PLGLB1: variants seen among roughly 807,000 people sequenced by gnomAD.
PLGLB1 encodes the protein plasminogen like B1, also known as plasminogen-like protein B.
intron 1 of PLGLB1, among the ~76,000 whole-genome samples, chr2:87,021,036 T>C (rs1176705381): frequency 6.6e-6 from 1 of 151,336 alleles, no homozygotes; most frequent in Non-Finnish European, 1.5e-5. Flanking sequence ...ACCCTACCTA[T>C]ACCGCGAGCT....
intron 3 of PLGLB1, chr2:87,013,520 A>G (rs1238714284): frequency 8.8e-6 from 1 of 113,622 alleles, no homozygotes; most frequent in Non-Finnish European, 1.8e-5. Context: ...AGACAGAGTA[A>G]GAGAATGGGG....
chr2:87,019,724 G>C (rs1682391050), intron 1 of PLGLB1, among the ~76,000 whole-genome samples: 1 of 100,770 alleles, frequency 9.9e-6, no homozygotes. Flanking sequence ...TAAGTTCTCT[G>C]TGTCATGTTA....
intron 1 of PLGLB1, chr2:87,018,619 G>A: frequency 3.2e-5 from 2 of 62,000 alleles, no homozygotes. Flanking sequence ...TTTCCAAGGT[G>A]TTGACAGGTA....
intron 2 of PLGLB1, among the ~76,000 whole-genome samples, chr2:87,017,259 C>T (rs1326618295): frequency 9.0e-6 from 1 of 110,948 alleles, no homozygotes; most frequent in Non-Finnish European, 2.0e-5. Flanking sequence ...ATATGATCCT[C>T]AACAAACATT....
rs1230753113 is a variant in PLGLB1 at position 87,010,983 on chromosome 2, G to A, written c.*2138C>T. Reference sequence around the variant, plus strand: ...CCTTTCCGAGAGGTGAACACGTTACGCAATTATTAATAATATCCCTGTGGG... The same window carrying A: ...CCTTTCCGAGAGGTGAACACGTTACACAATTATTAATAATATCCCTGTGGG... On this transcript the variant is annotated 3_prime_UTR_variant, in exon 4 of 4. Transcript: ENST00000355705. 59 of 183,172 alleles carry A rather than the reference G, an allele frequency of 3.2e-4. 6 individuals carry two copies. The East Asian group carries it at 6.8e-3, about 21-fold the overall frequency. 11.3% of individuals were successfully genotyped at this position (183,172 alleles called of 1,614,324 possible).
At chr2:87,020,921 T>C (rs1024013703) in intron 1 of PLGLB1, among the ~76,000 whole-genome samples, 3 of 151,494 alleles carry the variant, frequency 2.0e-5, no homozygotes, top group African/African-American at 7.3e-5. Context: ...CTGGCTTAAA[T>C]CCAGTTTTCT....
intron 1 of PLGLB1, among the ~76,000 whole-genome samples, chr2:87,021,063 G>A (rs540521478): frequency 4.6e-4 from 69 of 149,330 alleles, no homozygotes; most frequent in Non-Finnish European, 5.3e-4. Context: ...GCTAGTATTT[G>A]TAAAGGACAC....
intron 1 of PLGLB1, among the ~76,000 whole-genome samples, chr2:87,019,093 G>A (rs1359780173): frequency 1.8e-5 from 2 of 111,662 alleles, no homozygotes; most frequent in African/African-American, 9.0e-5. Flanking sequence ...TGGCTCTGAA[G>A]ACAGCGAGCC....
In PLGLB1 at chr2:87,015,173, G is replaced by GT. The variant is rs1682323384; in HGVS notation, c.*1+1128dup. Among the ~76,000 whole-genome samples the GT allele has an allele frequency of 6.3e-5, 6 of 95,146 alleles. 3 individuals are homozygous for GT. The highest frequency in any genetic ancestry group is 4.4e-4 in the African/African-American group (6 of 13,508). The allele number at this position is 95,146 out of a possible 152,430, so 62.4% of individuals were successfully genotyped here. A position where few individuals can be genotyped will look rare whatever the true frequency, so the allele number is the denominator to read the frequency against. On this transcript the variant is annotated intron_variant, in intron 3 of 3. Transcript: ENST00000355705. Reference sequence around the variant, plus strand: ...TGTAGAGAGAATCAGGAGAATCAGGGTTTTTTGTTTTTGTTTTTAAATCTG... The same window carrying GT: ...TGTAGAGAGAATCAGGAGAATCAGGGTTTTTTTGTTTTTGTTTTTAAATCTG...
In PLGLB1 at chr2:87,019,784, C is replaced by T. The variant is rs1682391870; in HGVS notation, c.49+1951G>A. Among the ~76,000 whole-genome samples, 2 of 100,648 alleles carry T rather than the reference C, an allele frequency of 2.0e-5. 1 individual carries two copies. Among genetic ancestry groups the T allele is most frequent in the Admixed American group, 1.7e-4 (2 of 12,048 alleles). 66.0% of individuals were successfully genotyped at this position (100,648 alleles called of 152,430 possible). On this transcript the variant is annotated intron_variant, in intron 1 of 3. Transcript: ENST00000355705. ...TGAGATCCCCTCCCCAGCTCCTGTC[C>T]CTAGGAAATATCCCAAAACAGAATC...
chr2:87,021,088 A>T (rs1185777501), intron 1 of PLGLB1, among the ~76,000 whole-genome samples: 2 of 144,486 alleles, frequency 1.4e-5, no homozygotes, highest in Admixed American at 7.0e-5. Context: ...TCACACTCAC[A>T]TTCACACACA....
rs531195071 is a variant in PLGLB1, at chr2:87,010,965, G to A, written c.*2156C>T. On this transcript the variant is annotated 3_prime_UTR_variant, in exon 4 of 4. Coordinates refer to ENST00000355705, the MANE Select transcript of PLGLB1 (RefSeq NM_001032392.4). ...TCTGAGCAAAGTTTTGCTCCTTTCC[G>A]AGAGGTGAACACGTTACGCAATTAT... 6.9e-5 allele frequency among the ~76,000 whole-genome samples: 6 copies of A among 87,482 alleles called. No individual in the cohort carries two copies. In the East Asian group the frequency reaches 1.0e-3, roughly 15 times the overall value. 57.4% of individuals were successfully genotyped at this position (87,482 alleles called of 152,430 possible).
intron 1 of PLGLB1, among the ~76,000 whole-genome samples, chr2:87,019,291 G>C (rs1466281170): frequency 9.3e-6 from 1 of 106,956 alleles, no homozygotes; most frequent in African/African-American, 4.6e-5. Flanking sequence ...ATCAATTCAT[G>C]CAAAGTCCTC....
intron 2 of PLGLB1, among the ~76,000 whole-genome samples, chr2:87,017,250 TATG>T (rs1285632414): frequency 1.7e-5 from 2 of 120,544 alleles, no homozygotes; most frequent in Non-Finnish European, 3.7e-5. Flanking sequence ...CTTTCATTCA[TATG>T]ATCCTCAACA....
intron 1 of PLGLB1, among the ~76,000 whole-genome samples, chr2:87,020,940 C>A (rs1348204022): frequency 1.3e-5 from 2 of 151,716 alleles, no homozygotes; most frequent in African/African-American, 4.9e-5. Flanking sequence ...CTTTATTTCC[C>A]AGATTTGAGA....
rs1682272031 is a variant in PLGLB1 at position 87,013,472 on chromosome 2, C to A, written c.*2-353G>T. On this transcript the variant is annotated intron_variant, in intron 3 of 3. Transcript: ENST00000355705. ...TCAAGTAAACAATATAAAATGAGAT[C>A]ACTTGATGATACATGGATACATGTT... 2 of 159,886 alleles carry A rather than the reference C, an allele frequency of 1.3e-5. 1 individual carries two copies. Among genetic ancestry groups the A allele is most frequent in the African/African-American group, 6.9e-5 (2 of 29,046 alleles). 9.9% of individuals were successfully genotyped at this position (159,886 alleles called of 1,614,324 possible).
chr2:87,021,005 T>C (rs1490466907), intron 1 of PLGLB1, among the ~76,000 whole-genome samples: 1 of 151,996 alleles, frequency 6.6e-6, no homozygotes, highest in East Asian at 1.9e-4. Context: ...TCTTTGTTTA[T>C]AAAATGAGGG....
chr2:87,019,201 A>G (rs1172965050), intron 1 of PLGLB1, among the ~76,000 whole-genome samples: 1 of 81,422 alleles, frequency 1.2e-5, no homozygotes, highest in Non-Finnish European at 2.3e-5. Flanking sequence ...AGGAAGGCAA[A>G]TGAACAGATT....
rs1168670344 is a variant in PLGLB1, at chr2:87,018,367, G to T, written c.50-679C>A. 3.0e-5 allele frequency: 2 copies of T among 65,644 alleles called. 1 individual carries two copies. Among genetic ancestry groups the T allele is most frequent in the Non-Finnish European group, 5.6e-5 (2 of 35,988 alleles). 4.1% of individuals were successfully genotyped at this position (65,644 alleles called of 1,614,324 possible). ...TTTGATTTCCTACAATATGCGCTTT[G>T]GTTCTGACACTGTCACTTGAACTGG... On this transcript the variant is annotated intron_variant, in intron 1 of 3. Transcript: ENST00000355705.
Sources: gnomAD v4.1 joint callset for allele counts (sites outside exome capture counted in the v4.1 genomes callset) on GRCh38, gnomAD v4.1.1 for gene constraint, MANE v1.5 for transcripts, NCBI Gene and HGNC (gene_info 2026-07-23, HGNC 2026-07-21) for gene names.